SPEN: variants seen among roughly 807,000 people sequenced by gnomAD.
The protein encoded by SPEN is spen family transcriptional repressor, also known as msx2-interacting protein.
Under a neutral mutation model 269.9 loss-of-function variants are expected in SPEN, and 18 were observed. The ratio of observed to expected loss-of-function variants is 0.07; its 90% CI spans 0.05 to 0.10. The LOEUF is 0.10. SPEN is among the 10% of genes least tolerant of loss of function. SPEN has a pLI of 1.00. For missense variants in SPEN, 3,822 were observed against 4,631.2 expected, an observed-to-expected ratio of 0.83 and a Z score of 5.07; for synonymous variants, 1,726 against 1,765.7, an observed-to-expected ratio of 0.98 and a Z score of 0.56.
At chr1:15,918,796 GTT>G in intron 6 of SPEN, 128 bp from the exon 7 acceptor site, 3 of 708,622 alleles carry the variant, frequency 4.2e-6, no homozygotes, top group Admixed American at 3.2e-5. Context: ...AAGGTGTACA[GTT>G]TTTTTAACTA....
rs753129454 is a variant in SPEN at position 15,932,157 on chromosome 1, G to C, written c.5917G>C (p.Glu1973Gln). The C allele has an allele frequency of 6.8e-6, 11 of 1,612,968 alleles. No individual in the cohort carries two copies. Among genetic ancestry groups the C allele is most frequent in the Non-Finnish European group, 9.3e-6 (11 of 1,179,522 alleles). Residue 1973 changes from glutamate (E) to glutamine (Q), a missense_variant, in exon 11 of 15, where the codon GAA (glutamate) becomes CAA (glutamine). Physicochemically the swap from Glu to Gln is conservative, Grantham distance 29. Around this residue, in one of 16 missense-constraint regions of SPEN, gnomAD observed 533 missense variants for 618.8 expected, o/e 0.86. Transcript: ENST00000375759. The surrounding 1 kb of genome is among the most constrained non-coding windows in gnomAD (Gnocchi z 4.2). ...EEENEAKEPAETLKPPEGWRS... is the reference protein window; with the variant it reads ...EEENEAKEPAQTLKPPEGWRS... ...GGAGAACGAGGCCAAGGAACCTGCA[G>C]AAACACTCAAGCCACCTGAGGGATG...
At chr1:15,874,427 C>T (rs757526363) in intron 2 of SPEN, 1 of 1,311,650 alleles carries the variant, frequency 7.6e-7, no homozygotes, top group Non-Finnish European at 1.0e-6. Flanking sequence ...TATATTAGCC[C>T]CTCTCCTAAC....
chr1:15,896,081 G>A (rs2070838949), intron 3 of SPEN, among the ~76,000 whole-genome samples: 1 of 150,996 alleles, frequency 6.6e-6, no homozygotes, highest in Non-Finnish European at 1.5e-5. Context: ...TTTATAAAAT[G>A]CAGTATTTTA....
intron 3 of SPEN, among the ~76,000 whole-genome samples, chr1:15,904,169 G>C (rs1357855986): frequency 1.3e-5 from 2 of 152,060 alleles, no homozygotes; most frequent in African/African-American, 2.4e-5. Flanking sequence ...TTGTAGTTTA[G>C]GTTAGCATAT....
intron 1 of SPEN, among the ~76,000 whole-genome samples, chr1:15,867,174 T>C (rs2070523250): frequency 6.6e-6 from 1 of 152,130 alleles, no homozygotes; most frequent in Non-Finnish European, 1.5e-5. Flanking sequence ...CCTGGCAATC[T>C]CTAATTTACT....
intron 9 of SPEN, among the ~76,000 whole-genome samples, chr1:15,921,929 AGTT>A (rs1192835785): frequency 6.6e-6 from 1 of 152,210 alleles, no homozygotes; most frequent in African/African-American, 2.4e-5. Context: ...TTCTAACTGT[AGTT>A]TTGGCAACAG....
intron 3 of SPEN, among the ~76,000 whole-genome samples, chr1:15,899,093 CCCATGGCTGTACCAT>C (rs2070872240): frequency 6.6e-6 from 1 of 152,088 alleles, no homozygotes. Context: ...TTTGGGGAAC[CCCATGGCTGTACCAT>C]TTTACTTTCC....
chr1:15,883,295 G>T (rs2070704565), intron 3 of SPEN, among the ~76,000 whole-genome samples: 1 of 152,204 alleles, frequency 6.6e-6, no homozygotes, highest in Non-Finnish European at 1.5e-5. Context: ...TTTGCTTAAA[G>T]TAACAAGGAA....
Position 15,937,365 on chromosome 1 carries a change from A to T in SPEN, c.10229A>T (p.Asn3410Ile), listed in dbSNP as rs1316512980. 2 of 1,613,964 alleles carry T rather than the reference A, an allele frequency of 1.2e-6. No homozygotes were observed. Among genetic ancestry groups the T allele is most frequent in the Non-Finnish European group, 1.7e-6 (2 of 1,180,008 alleles). The change falls in exon 12 of 15, where the codon AAC (asparagine) becomes ATC (isoleucine). Residue 3410 changes from asparagine (N) to isoleucine (I), a missense_variant. Coordinates refer to ENST00000375759, the MANE Select transcript of SPEN (RefSeq NM_015001.3). This position sits in a 1 kb window ranked among gnomAD's most constrained non-coding sequence, Gnocchi z 5.7. The stretch of plus-strand genomic sequence containing the variant: ...CCTCGCCTCCCAGCTGGACCTGCAA[A>T]CAGGCCACCTGAGCCTCACACCCAG... ...EQPRLPAGPA[N>I]RPPEPHTQVQ...
intron 2 of SPEN, chr1:15,874,135 A>G (rs1427294769): frequency 7.3e-7 from 1 of 1,364,078 alleles, no homozygotes; most frequent in Non-Finnish European, 9.8e-7. Context: ...ATAAATTTCT[A>G]ATTGTCTGCT....
At chr1:15,919,286 C>A in intron 7 of SPEN, 118 bp from the exon 8 acceptor site, 1 of 735,244 alleles carries the variant, frequency 1.4e-6, no homozygotes, top group Non-Finnish European at 2.2e-6. Context: ...CCAGATGTTT[C>A]CCACTTGAGA....
At chr1:15,913,320 C>T (rs949234087) in intron 5 of SPEN, among the ~76,000 whole-genome samples, 2 of 152,104 alleles carry the variant, frequency 1.3e-5, no homozygotes, top group African/African-American at 2.4e-5. Context: ...GAAGTTTTTT[C>T]CCAAAGGTGT....
At chr1:15,891,437 C>T (rs907273371) in intron 3 of SPEN, among the ~76,000 whole-genome samples, 4 of 151,448 alleles carry the variant, frequency 2.6e-5, no homozygotes, top group African/African-American at 9.7e-5. Flanking sequence ...GTGCAAGGTC[C>T]GCCTCCTGGG....
In SPEN at chr1:15,934,002, C is replaced by T. The variant is rs1272232079; in HGVS notation, c.7762C>T (p.Pro2588Ser). Residue 2588 changes from proline to serine, a missense_variant, in exon 11 of 15, where the codon CCT (proline) becomes TCT (serine). Pro to Ser is a moderately conservative substitution (Grantham distance 74, BLOSUM62 -1). This residue lies in a region of SPEN where 727 missense variants were observed against 737.9 expected (regional missense o/e 0.99). Transcript: ENST00000375759. The surrounding 1 kb of genome is among the most constrained non-coding windows in gnomAD (Gnocchi z 9.2). The stretch of plus-strand genomic sequence containing the variant: ...AAAGCCTTTAGAAGAAAAAACAGCA[C>T]CTCCAGTGACAAACAACTCTGAGAT... ...SKKPLEEKTA[P>S]PVTNNSEIQA... The T allele has an allele frequency of 3.1e-6, 5 of 1,613,896 alleles. No individual in the cohort carries two copies. The highest frequency in any genetic ancestry group is 2.7e-5 in the African/African-American group (2 of 74,884).
At chr1:15,899,707 G>A (rs140653792) in intron 3 of SPEN, among the ~76,000 whole-genome samples, 29 of 151,944 alleles carry the variant, frequency 1.9e-4, no homozygotes, top group African/African-American at 5.5e-4. Flanking sequence ...TAGATGTTGC[G>A]CATTTTTTCT....
chr1:15,862,712 AT>A (rs201674757), intron 1 of SPEN, among the ~76,000 whole-genome samples: 1 of 151,068 alleles, frequency 6.6e-6, no homozygotes, highest in East Asian at 1.9e-4. Flanking sequence ...TGCATAAATA[AT>A]TTTTTTTCGG....
At position 15,872,359 on chromosome 1, in the gene SPEN, A is replaced by G. The variant is rs550922713; in HGVS notation, c.84-457A>G. On this transcript the variant is annotated intron_variant, in intron 1 of 14. Coordinates refer to ENST00000375759, the MANE Select transcript of SPEN (RefSeq NM_015001.3). The stretch of plus-strand genomic sequence containing the variant: ...TGTAATCCCAGCACTTTGGGAGGCT[A>G]AGGCGGGCGGATCACGAGGTCAGGA... 5.2e-3 allele frequency among the ~76,000 whole-genome samples: 788 copies of G among 152,000 alleles called. 10 individuals are homozygous for G. Among genetic ancestry groups the G allele is most frequent in the African/African-American group, 0.018 (753 of 41,474 alleles).
At chr1:15,873,352 A>G (rs2070600646) in intron 2 of SPEN, 9 of 1,248,592 alleles carry the variant, frequency 7.2e-6, no homozygotes, top group Non-Finnish European at 9.1e-6. Flanking sequence ...TGTTCCTGAG[A>G]TATAATGTGA....
chr1:15,849,473 C>T (rs377690921), intron 1 of SPEN, among the ~76,000 whole-genome samples: 11 of 152,254 alleles, frequency 7.2e-5, no homozygotes, highest in African/African-American at 1.4e-4. Flanking sequence ...GAGCGCGCGT[C>T]TGCGCGTGTC....
Sources: gnomAD v4.1 joint callset for allele counts (sites outside exome capture counted in the v4.1 genomes callset) on GRCh38, gnomAD v4.1.1 for gene constraint, gnomAD v4.1.1 regional missense constraint, Gnocchi (gnomAD v3.1) non-coding constraint, MANE v1.5 for transcripts, NCBI Gene and HGNC (gene_info 2026-07-23, HGNC 2026-07-21) for gene names.